Variants in SLC39A9 observed in about 807,000 individuals in gnomAD.
SLC39A9 encodes the protein solute carrier family 39 member 9, also known as zinc transporter ZIP9.
A neutral mutation model predicts 28.4 loss-of-function variants in SLC39A9; 14 were observed. The observed-to-expected ratio is 0.49, with a 90% confidence interval of 0.33 to 0.77. The LOEUF (loss-of-function observed/expected upper bound fraction) is 0.77, where lower values mean the gene tolerates loss of function less well. Ranked by LOEUF, SLC39A9 falls within the 30% of genes least tolerant of loss-of-function variation. The pLI is 0.02. For missense variants in SLC39A9, 283 were observed against 381.1 expected, an observed-to-expected ratio of 0.74 and a Z score of 2.14; for synonymous variants, 119 against 149.6, an observed-to-expected ratio of 0.80 and a Z score of 1.49.
intron 2 of SLC39A9, among the ~76,000 whole-genome samples, chr14:69,437,818 C>T (rs1884851927): frequency 6.6e-6 from 1 of 151,756 alleles, no homozygotes; most frequent in Non-Finnish European, 1.5e-5. Flanking sequence ...GAACTCCTGA[C>T]CTCGTGATCC....
Position 69,461,935 on chromosome 14 carries a change from T to C in SLC39A9, c.*3342T>C. 1 of 536,168 alleles carries C rather than the reference T, an allele frequency of 1.9e-6. No homozygotes were observed. The highest frequency in any genetic ancestry group is 3.2e-6 in the Non-Finnish European group (1 of 312,272). 33.2% of individuals were successfully genotyped at this position (536,168 alleles called of 1,614,324 possible). A position where few individuals can be genotyped will look rare whatever the true frequency, so the allele number is the denominator to read the frequency against. On this transcript the variant is annotated 3_prime_UTR_variant, in exon 7 of 7. Coordinates refer to ENST00000336643, the MANE Select transcript of SLC39A9 (RefSeq NM_018375.5). The stretch of plus-strand genomic sequence containing the variant: ...TTCTGCAGAGGAACCTTCCTTCCAT[T>C]AGAAAATTTCTGCTCAATACAGAAT...
At chr14:69,453,612 C>T (rs2139451753) in intron 4 of SLC39A9, among the ~76,000 whole-genome samples, 1 of 152,014 alleles carries the variant, frequency 6.6e-6, no homozygotes, top group East Asian at 1.9e-4. Context: ...CAGCCTTGCC[C>T]ATGTATTTAT....
intron 2 of SLC39A9, among the ~76,000 whole-genome samples, chr14:69,440,213 G>C (rs1463630942): frequency 6.6e-6 from 1 of 152,108 alleles, no homozygotes; most frequent in Non-Finnish European, 1.5e-5. Flanking sequence ...TTGAACCCTG[G>C]AGGCACAGGG....
intron 2 of SLC39A9, among the ~76,000 whole-genome samples, chr14:69,431,531 A>G (rs1884491315): frequency 6.6e-6 from 1 of 150,718 alleles, no homozygotes; most frequent in Non-Finnish European, 1.5e-5. Flanking sequence ...GAGGTTAGAT[A>G]TAGGTTTTTT....
intron 2 of SLC39A9, among the ~76,000 whole-genome samples, chr14:69,430,316 A>G (rs1884423150): frequency 6.6e-6 from 1 of 152,204 alleles, no homozygotes; most frequent in African/African-American, 2.4e-5. Context: ...TAGAACTTTT[A>G]TGATTTTCAG....
chr14:69,434,699 A>G (rs891217864), intron 2 of SLC39A9, among the ~76,000 whole-genome samples: 1 of 152,182 alleles, frequency 6.6e-6, no homozygotes, highest in Non-Finnish European at 1.5e-5. Flanking sequence ...ATTTAATGCT[A>G]TAAATTTCTT....
In SLC39A9 at chr14:69,399,114, T is replaced by G. The variant is rs1882476422; in HGVS notation, c.-256T>G. The G allele has an allele frequency of 2.2e-6, 1 of 455,812 alleles. No homozygotes were observed. The highest frequency in any genetic ancestry group is 4.4e-5 in the Admixed American group (1 of 22,472). The allele number at this position is 455,812 out of a possible 1,614,324, so 28.2% of individuals were successfully genotyped here. The stretch of plus-strand genomic sequence containing the variant: ...TGTTAACCCACGAGAATCTAATGAC[T>G]GGCATCTGAGAACCCAGAGCCTGGG... On this transcript the variant is annotated 5_prime_UTR_variant, in exon 1 of 7. Coordinates refer to ENST00000336643, the MANE Select transcript of SLC39A9 (RefSeq NM_018375.5).
In SLC39A9 at chr14:69,435,195, T is replaced by G. The variant is rs75258276; in HGVS notation, c.206-6874T>G. On this transcript the variant is annotated intron_variant, in intron 2 of 6. Coordinates refer to ENST00000336643, the MANE Select transcript of SLC39A9 (RefSeq NM_018375.5). ...ATTTATCTGTTTCTCTTCATTTCTA[T>G]TAGCTTTTGCTTTATGTATGTTGAA... 2.1e-3 allele frequency among the ~76,000 whole-genome samples: 320 copies of G among 152,356 alleles called. 6 individuals are homozygous for G. The highest frequency in any genetic ancestry group is 0.012 in the East Asian group (62 of 5,194).
intron 1 of SLC39A9, among the ~76,000 whole-genome samples, chr14:69,419,820 C>G (rs528527258): frequency 6.6e-6 from 1 of 152,050 alleles, no homozygotes; most frequent in African/African-American, 2.4e-5. Context: ...GGATTGCAAC[C>G]CCTGCTTTTT....
rs900766362 is a variant in SLC39A9, at chr14:69,458,987, A to C, written c.*394A>C. ...AGCTATGTCTCTTTCTTCTTAGTTT[A>C]GAGGCTCTGCTACTTTATCCATTGA... On this transcript the variant is annotated 3_prime_UTR_variant, in exon 7 of 7. Coordinates refer to ENST00000336643, the MANE Select transcript of SLC39A9 (RefSeq NM_018375.5). 1 of 996,240 alleles carries C rather than the reference A, an allele frequency of 1.0e-6. No homozygotes were observed. The highest frequency in any genetic ancestry group is 1.7e-5 in the African/African-American group (1 of 57,560). The allele number at this position is 996,240 out of a possible 1,614,324, so 61.7% of individuals were successfully genotyped here.
intron 1 of SLC39A9, among the ~76,000 whole-genome samples, chr14:69,412,125 C>CA (rs1202568543): frequency 6.6e-6 from 1 of 151,720 alleles, no homozygotes; most frequent in Non-Finnish European, 1.5e-5. Flanking sequence ...CACAGTGACT[C>CA]ACGCCTGTAA....
At chr14:69,418,373 AG>A (rs1883688188) in intron 1 of SLC39A9, among the ~76,000 whole-genome samples, 1 of 151,910 alleles carries the variant, frequency 6.6e-6, no homozygotes, top group Non-Finnish European at 1.5e-5. Context: ...TTGCATCCTC[AG>A]TATTTTACTG....
intron 6 of SLC39A9, among the ~76,000 whole-genome samples, chr14:69,457,713 T>C (rs1885933845): frequency 6.6e-6 from 1 of 152,200 alleles, no homozygotes; most frequent in Non-Finnish European, 1.5e-5. Context: ...AACCAGCACT[T>C]AAAGTTCGTT....
intron 3 of SLC39A9, among the ~76,000 whole-genome samples, chr14:69,443,208 G>T (rs953572560): frequency 6.6e-6 from 1 of 152,238 alleles, no homozygotes; most frequent in African/African-American, 2.4e-5. Context: ...AGGGATTGAT[G>T]TGTAGACATA....
chr14:69,448,928 G>A (rs983243549), intron 3 of SLC39A9, among the ~76,000 whole-genome samples: 9 of 152,164 alleles, frequency 5.9e-5, no homozygotes, highest in Admixed American at 5.2e-4. Flanking sequence ...TATAAATGAT[G>A]AAGCAAATGA....
chr14:69,398,427 G>T (rs1372366166), upstream of SLC39A9: 2 of 699,548 alleles, frequency 2.9e-6, no homozygotes, highest in Non-Finnish European at 4.9e-6. Context: ...CTCTGTTTCA[G>T]CCATCTTCGA....
intron 3 of SLC39A9, among the ~76,000 whole-genome samples, chr14:69,444,414 G>A (rs766296307): frequency 8.5e-5 from 13 of 152,086 alleles, no homozygotes; most frequent in Admixed American, 1.3e-4. Flanking sequence ...TTAAACTTAT[G>A]AAAAGATGTT....
chr14:69,416,569 C>A (rs996609616), intron 1 of SLC39A9, among the ~76,000 whole-genome samples: 5 of 152,204 alleles, frequency 3.3e-5, no homozygotes, highest in African/African-American at 1.2e-4. Flanking sequence ...AATGGTTGAA[C>A]TAGTTTACAC....
intron 4 of SLC39A9, chr14:69,454,587 A>G: frequency 5.2e-6 from 2 of 384,722 alleles, no homozygotes; most frequent in Non-Finnish European, 9.2e-6. Context: ...ACTCTGGGCC[A>G]GATGCTATGC....
Sources: allele counts gnomAD v4.1 joint callset (sites outside exome capture counted in the v4.1 genomes callset), GRCh38; gene constraint gnomAD v4.1.1; transcripts MANE v1.5; gene names NCBI Gene and HGNC (gene_info 2026-07-23, HGNC 2026-07-21).